The following SOD2 variants were observed in gnomAD, a reference collection of about 807,000 sequenced individuals.
The protein encoded by SOD2 is superoxide dismutase [Mn], mitochondrial.
SOD2 carries 11 observed loss-of-function variants against 27.0 expected under a neutral mutation model. The ratio of observed to expected loss-of-function variants is 0.41; its 90% CI spans 0.26 to 0.67. The LOEUF (loss-of-function observed/expected upper bound fraction) is 0.67, where lower values mean the gene tolerates loss of function less well. Ranked by LOEUF, SOD2 falls within the 30% of genes least tolerant of loss-of-function variation. The pLI, the probability that SOD2 is intolerant of heterozygous loss-of-function variation, is 0.34. For synonymous variants in SOD2, 105 were observed against 103.0 expected, an observed-to-expected ratio of 1.02 and a Z score of -0.12; for missense variants, 250 against 274.5, an observed-to-expected ratio of 0.91 and a Z score of 0.63.
chr6:159,725,921 T>C (rs1778155615), intron 1 of SOD2: 1 of 152,232 alleles, frequency 6.6e-6, no homozygotes, highest in Non-Finnish European at 1.5e-5. Flanking sequence ...ATTTCCTGAA[T>C]CTTTTTAATG....
intron 2 of SOD2, among the ~76,000 whole-genome samples, chr6:159,689,651 A>C (rs929603199): frequency 7.2e-5 from 11 of 152,200 alleles, no homozygotes; most frequent in African/African-American, 2.4e-4. Flanking sequence ...TGCTGTTCTG[A>C]AAGTGTACGT....
At position 159,683,052 on chromosome 6, in the gene SOD2, G is replaced by C. The variant is rs573982863; in HGVS notation, c.524-414C>G. On this transcript the variant is annotated intron_variant, in intron 4 of 4. Coordinates refer to ENST00000538183, the MANE Select transcript of SOD2 (RefSeq NM_000636.4). The stretch of plus-strand genomic sequence containing the variant: ...CTCCAAAGGGTCTGGGCACTCACAG[G>C]GGTTTACGAGGAACCAGCTCTGCTC... Among the ~76,000 whole-genome samples the C allele has an allele frequency of 2.0e-5, 3 of 152,198 alleles. No homozygotes were observed. In the South Asian group the frequency reaches 6.2e-4, roughly 32 times the overall value.
intron 1 of SOD2, chr6:159,720,517 G>C (rs1286128471): frequency 1.3e-5 from 2 of 153,008 alleles, no homozygotes; most frequent in South Asian, 1.8e-4. Flanking sequence ...TTGGACAGTA[G>C]TGCAACCCCA....
At chr6:159,725,256 G>A (rs1046290166) in intron 1 of SOD2, among the ~76,000 whole-genome samples, 1 of 152,036 alleles carries the variant, frequency 6.6e-6, no homozygotes, top group Non-Finnish European at 1.5e-5. Context: ...ACCTGCAGGC[G>A]GATCACCTGA....
chr6:159,745,297 T>C (rs909184089), upstream of SOD2: 1 of 152,244 alleles, frequency 6.6e-6, no homozygotes, highest in African/African-American at 2.4e-5. Flanking sequence ...GCACATCTGA[T>C]TCTCCATCTG....
upstream of SOD2, among the ~76,000 whole-genome samples, chr6:159,749,714 G>A (rs1367512277): frequency 1.3e-5 from 2 of 152,148 alleles, no homozygotes; most frequent in Non-Finnish European, 2.9e-5. Context: ...TAATGTGTTG[G>A]AACTGTGGGC....
At chr6:159,744,267 T>G (rs1237538612) in intron 1 of SOD2, among the ~76,000 whole-genome samples, 2 of 152,240 alleles carry the variant, frequency 1.3e-5, no homozygotes, top group Non-Finnish European at 2.9e-5. Flanking sequence ...TAGTATTTAC[T>G]ATGTCTACGT....
chr6:159,712,109 AGCTGCTCAGACCTC>A (rs1777802914), intron 1 of SOD2, among the ~76,000 whole-genome samples: 2 of 30,804 alleles, frequency 6.5e-5, no homozygotes, highest in African/African-American at 1.8e-4. Flanking sequence ...ACCACCACTC[AGCTGCTCAGACCTC>A]CATAACCACC....
At chr6:159,727,714 G>A, upstream of SOD2, 1 of 985,582 alleles carries the variant, frequency 1.0e-6, no homozygotes, top group Non-Finnish European at 1.2e-6. Context: ...GTAGGCGCGG[G>A]CCGGCTGGCG....
intron 1 of SOD2, among the ~76,000 whole-genome samples, chr6:159,716,486 C>T (rs2025189): frequency 0.76 from 116,023 of 151,986 alleles, 44,683 homozygotes; most frequent in South Asian, 0.85. Context: ...TGTGCCTCTC[C>T]CCGGAAGGAA....
At chr6:159,753,406 C>G (rs1313327616) in intron 1 of SOD2, 1 of 1,611,680 alleles carries the variant, frequency 6.2e-7, no homozygotes, top group Non-Finnish European at 8.5e-7. Context: ...TAATTGTAAG[C>G]AAAGACAGAG....
intron 1 of SOD2, among the ~76,000 whole-genome samples, chr6:159,723,354 C>T (rs922026836): frequency 8.5e-5 from 13 of 152,220 alleles, no homozygotes; most frequent in Admixed American, 7.9e-4. Context: ...TCCTAACCAA[C>T]CACTGATCTG....
chr6:159,716,846 C>T (rs1304519273), intron 1 of SOD2, among the ~76,000 whole-genome samples: 1 of 152,158 alleles, frequency 6.6e-6, no homozygotes, highest in African/African-American at 2.4e-5. Context: ...CACTGGCTTA[C>T]ACCAGCCATA....
intron 1 of SOD2, among the ~76,000 whole-genome samples, chr6:159,709,714 C>T (rs1354379245): frequency 6.6e-6 from 1 of 152,102 alleles, no homozygotes; most frequent in East Asian, 1.9e-4. Context: ...TGTGGCGATT[C>T]CTCAGGGATC....
At chr6:159,725,831 A>C (rs138195489) in intron 1 of SOD2, 1 of 152,142 alleles carries the variant, frequency 6.6e-6, no homozygotes, top group Non-Finnish European at 1.5e-5. Context: ...GCTTTTGAAT[A>C]CAGTGAATAC....
rs1779613489 is a variant in SOD2 at position 159,669,656 on chromosome 6, T to A, written c.*12837A>T. ...CCCCATCTCTACAAAAAAATTTTCTTAATAAAAAAATATGATTATATCTTG... is the reference window on the plus strand; with the variant it reads ...CCCCATCTCTACAAAAAAATTTTCTAAATAAAAAAATATGATTATATCTTG... On this transcript the variant is annotated 3_prime_UTR_variant, in exon 5 of 5. Transcript: ENST00000538183. 1 of 152,174 alleles carries A rather than the reference T, an allele frequency of 6.6e-6. No individual in the cohort carries two copies. The highest frequency in any genetic ancestry group is 6.5e-5 in the Admixed American group (1 of 15,278). The allele number at this position is 152,174 out of a possible 1,614,324, so 9.4% of individuals were successfully genotyped here.
Position 159,682,571 on chromosome 6 carries a change from C to A in SOD2, c.591G>T (p.Arg197Ser). The part of the protein sequence containing the change: ...HAYYLQYKNV[R>S]PDYLKAIWNV... Reference sequence around the variant, plus strand: ...TCCAAATAGCTTTTAGATAATCAGGCCTGACATTTTTATACTGAAGGTAGT... The same window carrying A: ...TCCAAATAGCTTTTAGATAATCAGGACTGACATTTTTATACTGAAGGTAGT... Residue 197 changes from arginine (R) to serine (S), a missense_variant, in exon 5 of 5, where the codon AGG becomes AGT. Transcript: ENST00000538183. 6.2e-7 allele frequency: 1 copy of A among 1,614,020 alleles called. No individual in the cohort carries two copies. Among genetic ancestry groups the A allele is most frequent in the Non-Finnish European group, 8.5e-7 (1 of 1,179,966 alleles).
intron 1 of SOD2, among the ~76,000 whole-genome samples, chr6:159,706,571 T>A (rs1489773104): frequency 6.6e-6 from 1 of 152,102 alleles, no homozygotes; most frequent in Non-Finnish European, 1.5e-5. Context: ...GAGCTAACTA[T>A]CCTAAATATA....
upstream of SOD2, chr6:159,731,091 A>C (rs1778537383): frequency 1.3e-5 from 2 of 152,212 alleles, no homozygotes; most frequent in Non-Finnish European, 2.9e-5. Flanking sequence ...CAGTGAGCCC[A>C]GATCATGCCC....
Sources: allele counts gnomAD v4.1 joint callset (sites outside exome capture counted in the v4.1 genomes callset), GRCh38; gene constraint gnomAD v4.1.1; transcripts MANE v1.5; gene names NCBI Gene and HGNC (gene_info 2026-07-23, HGNC 2026-07-21).